The following RASA3 variants were observed in gnomAD, a reference collection of about 807,000 sequenced individuals.
RASA3 encodes ras GTPase-activating protein 3.
RASA3 carries 73 observed loss-of-function variants against 110.0 expected under a neutral mutation model. The observed-to-expected ratio is 0.66, with a 90% CI of 0.55 to 0.81. The LOEUF is 0.81. Ranked by LOEUF, RASA3 falls within the 30% of genes least tolerant of loss-of-function variation. RASA3 has a pLI of 0.00. For synonymous variants in RASA3, 500 were observed against 451.4 expected (o/e 1.11, Z -1.37); for missense variants, 976 against 1,113.2 (o/e 0.88, Z 1.75).
chr13:114,128,016 G>A (rs570686599), intron 1 of RASA3, among the ~76,000 whole-genome samples: 4 of 152,324 alleles, frequency 2.6e-5, no homozygotes, highest in African/African-American at 9.6e-5. Flanking sequence ...GGCTGAACCT[G>A]CCCCTGCCGG....
intron 3 of RASA3, among the ~76,000 whole-genome samples, chr13:114,049,229 G>A (rs1457529128): frequency 6.6e-6 from 1 of 152,022 alleles, no homozygotes; most frequent in Non-Finnish European, 1.5e-5. Context: ...AGTGGCCACC[G>A]CGCACTTCCA....
intron 1 of RASA3, among the ~76,000 whole-genome samples, chr13:114,074,514 T>G (rs930535029): frequency 1.3e-5 from 2 of 152,266 alleles, no homozygotes; most frequent in Non-Finnish European, 2.9e-5. Flanking sequence ...TGCTTATTCA[T>G]TTATCCACTG....
intron 1 of RASA3, among the ~76,000 whole-genome samples, chr13:114,074,526 G>A (rs1048984106): frequency 1.3e-5 from 2 of 152,226 alleles, no homozygotes; most frequent in African/African-American, 4.8e-5. Context: ...TATCCACTGA[G>A]TCCCTTTTTA....
chr13:114,104,981 GC>G (rs1179999941), intron 1 of RASA3, among the ~76,000 whole-genome samples: 1 of 151,740 alleles, frequency 6.6e-6, no homozygotes, highest in Admixed American at 6.6e-5. Context: ...AGGAAGGGTG[GC>G]CCCCAGGCTC....
Position 114,029,632 on chromosome 13 carries a change from T to G in RASA3, c.449+179A>C, listed in dbSNP as rs1169515900. Among the ~76,000 whole-genome samples the G allele has an allele frequency of 2.5e-3, 31 of 12,220 alleles. 6 individuals carry two copies. Among genetic ancestry groups the G allele is most frequent in the African/African-American group, 6.1e-3 (6 of 982 alleles). The allele number at this position is 12,220 out of a possible 152,430, so 8.0% of individuals were successfully genotyped here. ...GACCTCTAAAATGGCGTCATCCTGG[T>G]GGGCCAGGACCCCTAAAACAGCATC... On this transcript the variant is annotated intron_variant, in intron 5 of 23. Coordinates refer to ENST00000334062, the MANE Select transcript of RASA3 (RefSeq NM_007368.4).
chr13:114,120,681 C>T (rs937306239), intron 1 of RASA3, among the ~76,000 whole-genome samples: 1 of 152,256 alleles, frequency 6.6e-6, no homozygotes, highest in Non-Finnish European at 1.5e-5. Context: ...GAACAATCCC[C>T]ACAGAGAAAC....
At chr13:114,058,796 C>T (rs978053023) in intron 2 of RASA3, among the ~76,000 whole-genome samples, 2 of 152,232 alleles carry the variant, frequency 1.3e-5, no homozygotes, top group Non-Finnish European at 2.9e-5. Context: ...TTCTCCTGAG[C>T]CCAGGAGTGC....
intron 20 of RASA3, among the ~76,000 whole-genome samples, chr13:113,998,929 C>T (rs1344968857): frequency 3.3e-5 from 5 of 152,210 alleles, no homozygotes; most frequent in Admixed American, 1.3e-4. Context: ...GCGCCGGCGA[C>T]GTGCGATGGT....
At chr13:114,020,312 C>T (rs1222092315) in intron 9 of RASA3, among the ~76,000 whole-genome samples, 1 of 151,940 alleles carries the variant, frequency 6.6e-6, no homozygotes, top group Non-Finnish European at 1.5e-5. Flanking sequence ...TAGCCGCCCC[C>T]CATCGCCCCA....
rs1002258432 is a variant in RASA3 at position 114,027,517 on chromosome 13, C to A, written c.531-56G>T. The A allele has an allele frequency of 3.5e-5, 48 of 1,376,414 alleles. No individual in the cohort carries two copies. In the Admixed American group the frequency reaches 3.6e-4, roughly 10 times the overall value. 85.3% of individuals were successfully genotyped at this position (1,376,414 alleles called of 1,614,324 possible). On this transcript the variant is annotated intron_variant, in intron 6 of 23. Coordinates refer to ENST00000334062, the MANE Select transcript of RASA3 (RefSeq NM_007368.4). ...AAACAACACTGCTGATTCCAAGTCT[C>A]TCAGTGGTAAAACCGAGCTCTCAAA...
chr13:114,121,662 T>A (rs2080379351), intron 1 of RASA3, among the ~76,000 whole-genome samples: 1 of 152,232 alleles, frequency 6.6e-6, no homozygotes, highest in African/African-American at 2.4e-5. Flanking sequence ...GACCTTCGGC[T>A]TCCCCAGAGA....
At chr13:114,037,554 G>A (rs2054301476) in intron 4 of RASA3, among the ~76,000 whole-genome samples, 2 of 152,294 alleles carry the variant, frequency 1.3e-5, no homozygotes, top group South Asian at 2.1e-4. Context: ...CGGAGGTTCC[G>A]TTTTGCAAGA....
chr13:114,066,077 C>T (rs2139638068), intron 2 of RASA3, among the ~76,000 whole-genome samples: 1 of 152,092 alleles, frequency 6.6e-6, no homozygotes, highest in South Asian at 2.1e-4. Context: ...ACACCACACG[C>T]CACACACCAC....
rs117764933 is a variant in RASA3, at chr13:114,110,755, C to T, written c.55+21680G>A. Reference sequence around the variant, plus strand: ...TCACCCGCTCAGCCTCCCGCGTCCCCACAGCCCGGACCGGAGCCTCAGAGC... The same window carrying T: ...TCACCCGCTCAGCCTCCCGCGTCCCTACAGCCCGGACCGGAGCCTCAGAGC... On this transcript the variant is annotated intron_variant, in intron 1 of 23. Transcript: ENST00000334062. Among the ~76,000 whole-genome samples the T allele has an allele frequency of 9.5e-3, 1,454 of 152,378 alleles. 18 individuals are homozygous for T. The highest frequency in any genetic ancestry group is 0.058 in the Middle Eastern group (17 of 294).
At chr13:113,992,628 A>C (rs1489844746) in intron 21 of RASA3, 40 bp from the exon 22 acceptor site, 5 of 1,397,978 alleles carry the variant, frequency 3.6e-6, no homozygotes, top group Non-Finnish European at 5.0e-6. Flanking sequence ...AAAAACACTT[A>C]TTTAAACGAT....
intron 18 of RASA3, among the ~76,000 whole-genome samples, chr13:114,002,196 G>A (rs1023702233): frequency 6.6e-6 from 1 of 152,238 alleles, no homozygotes; most frequent in Non-Finnish European, 1.5e-5. Flanking sequence ...AGGTGGGCGG[G>A]GGAGACGCAC....
chr13:114,059,475 C>T (rs1195869468), intron 2 of RASA3, among the ~76,000 whole-genome samples: 2 of 152,264 alleles, frequency 1.3e-5, no homozygotes, highest in Non-Finnish European at 2.9e-5. Context: ...ACGGGCCTTG[C>T]CGGGGGAAGC....
At chr13:114,078,287 G>A (rs1177373980) in intron 1 of RASA3, among the ~76,000 whole-genome samples, 1 of 152,216 alleles carries the variant, frequency 6.6e-6, no homozygotes, top group African/African-American at 2.4e-5. Context: ...TTCACCAAAG[G>A]TGCCTGTTCT....
chr13:114,007,568 G>C lies in RASA3; in HGVS notation c.1707C>G (p.Pro569=), dbSNP rs1472443745. The C allele has an allele frequency of 6.2e-7, 1 of 1,613,492 alleles. No individual in the cohort carries two copies. The highest frequency in any genetic ancestry group is 2.2e-5 in the East Asian group (1 of 44,874). Residue 569 remains proline, a synonymous_variant, in exon 18 of 24, where the codon CCC becomes CCG. Coordinates refer to ENST00000334062, the MANE Select transcript of RASA3 (RefSeq NM_007368.4). The stretch of plus-strand genomic sequence containing the variant: ...GCACGATGGGCTGCTCAACACTCTT[G>C]GGGTCTCTTCTCCCCGAGGACGAAA... ...DLISSSGRRD[P]KSVEQPIVLK... is the part of the protein sequence containing the mutation.
Sources: allele counts gnomAD v4.1 joint callset (sites outside exome capture counted in the v4.1 genomes callset), GRCh38; gene constraint gnomAD v4.1.1; transcripts MANE v1.5; gene names NCBI Gene and HGNC (gene_info 2026-07-23, HGNC 2026-07-21).